The following ITCH variants were observed in gnomAD, a reference collection of about 807,000 sequenced individuals.
ITCH encodes E3 ubiquitin-protein ligase Itchy homolog.
ITCH carries 28 observed loss-of-function variants against 126.8 expected under a neutral mutation model. The ratio of observed to expected loss-of-function variants is 0.22; its 90% CI spans 0.16 to 0.30. The LOEUF (loss-of-function observed/expected upper bound fraction) is 0.30. Among genes scored for constraint, ITCH ranks in the 10% least tolerant of loss-of-function variants. ITCH has a pLI of 1.00. For synonymous variants in ITCH, 342 were observed against 340.0 expected (o/e 1.01, Z -0.06); for missense variants, 631 against 1,032.4 (o/e 0.61, Z 5.33).
At chr20:34,443,864 T>TA (rs911283688) in intron 10 of ITCH, among the ~76,000 whole-genome samples, 12 of 152,092 alleles carry the variant, frequency 7.9e-5, no homozygotes, top group South Asian at 2.1e-4. Flanking sequence ...CATGTACCTG[T>TA]AGTCCTAGTT....
intron 2 of ITCH, among the ~76,000 whole-genome samples, chr20:34,375,292 C>T (rs563821935): frequency 7.3e-5 from 11 of 151,394 alleles, no homozygotes; most frequent in African/African-American, 2.2e-4. Flanking sequence ...CCGCCTGCCT[C>T]GGCCTCCCAA....
rs1358165431 is a variant in ITCH at position 34,455,941 on chromosome 20, C to T, written c.1211-1449C>T. On this transcript the variant is annotated intron_variant, in intron 12 of 24. Coordinates refer to ENST00000374864, the MANE Select transcript of ITCH (RefSeq NM_031483.7). ...TAGAGAACTGAGTTCTGCTTCCTAT[C>T]CCTTGTATAGAAAGTTACTGTAGAT... 4.0e-5 allele frequency among the ~76,000 whole-genome samples: 6 copies of T among 151,502 alleles called. No individual in the cohort carries two copies. In the East Asian group the frequency reaches 1.2e-3, roughly 29 times the overall value.
intron 6 of ITCH, among the ~76,000 whole-genome samples, chr20:34,417,404 T>G (rs1285091671): frequency 2.0e-5 from 3 of 146,978 alleles, no homozygotes; most frequent in Non-Finnish European, 3.0e-5. Flanking sequence ...GGCTGACTTT[T>G]TTTTTTTTTT....
At chr20:34,418,757 C>CTTTTTT (rs373974620) in intron 6 of ITCH, among the ~76,000 whole-genome samples, 13 of 116,514 alleles carry the variant, frequency 1.1e-4, no homozygotes, top group African/African-American at 3.0e-4. Context: ...TCTTTTTTTC[C>CTTTTTT]TTTTTTTTTT....
chr20:34,436,623 A>G (rs947486124), intron 7 of ITCH, among the ~76,000 whole-genome samples: 5 of 152,210 alleles, frequency 3.3e-5, no homozygotes, highest in Admixed American at 2.6e-4. Flanking sequence ...GGAACCCCCA[A>G]AGTAGTGCTT....
intron 14 of ITCH, among the ~76,000 whole-genome samples, chr20:34,463,635 T>A (rs1190350846): frequency 6.6e-6 from 1 of 151,744 alleles, no homozygotes; most frequent in African/African-American, 2.4e-5. Flanking sequence ...ATCATCATAT[T>A]TTTTTTTAAA....
chr20:34,386,949 C>A (rs757162412), intron 2 of ITCH, among the ~76,000 whole-genome samples: 14 of 152,034 alleles, frequency 9.2e-5, no homozygotes, highest in Admixed American at 2.0e-4. Context: ...CACCTTCTTT[C>A]TATATTGGGC....
chr20:34,431,737 TC>T (rs1406785493), intron 7 of ITCH, among the ~76,000 whole-genome samples: 1 of 152,056 alleles, frequency 6.6e-6, no homozygotes, highest in Non-Finnish European at 1.5e-5. Flanking sequence ...AGAAAAATGT[TC>T]TTTAAAAGAT....
intron 3 of ITCH, among the ~76,000 whole-genome samples, chr20:34,399,485 T>C (rs540188941): frequency 1.3e-5 from 2 of 152,118 alleles, no homozygotes; most frequent in Non-Finnish European, 2.9e-5. Context: ...GATCAGTATT[T>C]GACTAGAGTC....
intron 3 of ITCH, among the ~76,000 whole-genome samples, chr20:34,396,508 ATTTT>A (rs947734935): frequency 2.1e-5 from 3 of 144,370 alleles, no homozygotes. Context: ...TATCCATTTA[ATTTT>A]TTTTTTTTTG....
intron 7 of ITCH, among the ~76,000 whole-genome samples, chr20:34,425,832 C>T (rs2146226432): frequency 6.6e-6 from 1 of 152,358 alleles, no homozygotes; most frequent in African/African-American, 2.4e-5. Flanking sequence ...TAAGGGAAAT[C>T]AGAGACCAGC....
At chr20:34,367,781 G>C (rs540686319) in intron 1 of ITCH, among the ~76,000 whole-genome samples, 2 of 152,282 alleles carry the variant, frequency 1.3e-5, no homozygotes, top group Admixed American at 1.3e-4. Context: ...ACTAGAACTA[G>C]AACTGGGTTT....
chr20:34,459,786 A>G (rs1986341695), intron 13 of ITCH, among the ~76,000 whole-genome samples: 1 of 152,342 alleles, frequency 6.6e-6, no homozygotes, highest in South Asian at 2.1e-4. Context: ...TCAACTTAAA[A>G]TAGTTTTTTC....
At chr20:34,501,849 A>G (rs1044965397) in intron 23 of ITCH, among the ~76,000 whole-genome samples, 5 of 151,988 alleles carry the variant, frequency 3.3e-5, no homozygotes, top group Non-Finnish European at 7.4e-5. Flanking sequence ...TAATAGACTT[A>G]AGTATATGTG....
intron 14 of ITCH, among the ~76,000 whole-genome samples, chr20:34,463,164 A>C (rs549916656): frequency 1.1e-4 from 17 of 152,248 alleles, no homozygotes; most frequent in African/African-American, 2.2e-4. Context: ...GGAGTTGGAG[A>C]CCAGTCTGGT....
At chr20:34,470,313 A>G (rs571967129) in intron 15 of ITCH, among the ~76,000 whole-genome samples, 193 bp downstream of exon 15, 1 of 152,202 alleles carries the variant, frequency 6.6e-6, no homozygotes, top group Non-Finnish European at 1.5e-5. Flanking sequence ...TATTCAGAAA[A>G]TTAAACCTCA....
chr20:34,413,270 G>A (rs886550163), intron 5 of ITCH, among the ~76,000 whole-genome samples: 2 of 152,128 alleles, frequency 1.3e-5, no homozygotes, highest in Admixed American at 1.3e-4. Context: ...GTAGAAATAT[G>A]TGTAGCTTGT....
chr20:34,439,481 C>T (rs936091812), intron 8 of ITCH, among the ~76,000 whole-genome samples: 2 of 152,150 alleles, frequency 1.3e-5, no homozygotes, highest in African/African-American at 2.4e-5. Context: ...TGCCATGTTG[C>T]GCAGGCTGGT....
chr20:34,388,902 C>T (rs928235843), intron 2 of ITCH, among the ~76,000 whole-genome samples: 2 of 152,112 alleles, frequency 1.3e-5, no homozygotes, highest in African/African-American at 4.8e-5. Flanking sequence ...ACTTTAGTCC[C>T]CTTATAACAG....
Sources: gnomAD v4.1 joint callset for allele counts (sites outside exome capture counted in the v4.1 genomes callset) on GRCh38, gnomAD v4.1.1 for gene constraint, MANE v1.5 for transcripts, NCBI Gene and HGNC (gene_info 2026-07-23, HGNC 2026-07-21) for gene names.